ARHGEF12: variants seen among roughly 807,000 people sequenced by gnomAD.
The protein encoded by ARHGEF12 is KMT2A/ARHGEF12 fusion protein.
Under a neutral mutation model 211.2 loss-of-function variants are expected in ARHGEF12, and 66 were observed. That is an observed-to-expected ratio of 0.31 (90% CI 0.26 to 0.38). The LOEUF (loss-of-function observed/expected upper bound fraction) is 0.38. ARHGEF12 is among the 10% of genes least tolerant of loss of function. ARHGEF12 has a pLI of 1.00. For missense variants in ARHGEF12, 1,429 were observed against 1,869.5 expected, an observed-to-expected ratio of 0.76 and a Z score of 4.34; for synonymous variants, 592 against 638.4, an observed-to-expected ratio of 0.93 and a Z score of 1.09.
At chr11:120,398,775 A>G (rs1242067402) in intron 1 of ARHGEF12, among the ~76,000 whole-genome samples, 2 of 152,232 alleles carry the variant, frequency 1.3e-5, no homozygotes, top group South Asian at 2.1e-4. Context: ...AATGCTTTCT[A>G]TTAATGCAGA....
At chr11:120,396,275 C>T (rs553343060) in intron 1 of ARHGEF12, among the ~76,000 whole-genome samples, 2 of 152,256 alleles carry the variant, frequency 1.3e-5, no homozygotes, top group South Asian at 4.1e-4. Flanking sequence ...CACAAATCTT[C>T]CTTACAGGAA....
chr11:120,382,696 T>C (rs1943911250), intron 1 of ARHGEF12, among the ~76,000 whole-genome samples: 1 of 152,182 alleles, frequency 6.6e-6, no homozygotes, highest in African/African-American at 2.4e-5. Context: ...CTCTCTCTCA[T>C]TGTGGTTTTA....
At position 120,426,864 on chromosome 11, in the gene ARHGEF12, T is replaced by TG. The variant is rs535616722; in HGVS notation, c.407-1205_407-1204insG. The stretch of plus-strand genomic sequence containing the variant: ...ATTACTGACTCTGATTATGGTGTTT[T>TG]TTTTTGTTTTTGTTTTTGTTTTTGT... On this transcript the variant is annotated intron_variant, in intron 7 of 40. Transcript: ENST00000397843. 8.8e-3 allele frequency among the ~76,000 whole-genome samples: 1,334 copies of TG among 151,648 alleles called. 88 individuals carry two copies. In the South Asian group the frequency reaches 0.16, roughly 18 times the overall value.
At chr11:120,442,322 A>G in intron 15 of ARHGEF12, 120 bp downstream of exon 15, 1 of 622,816 alleles carries the variant, frequency 1.6e-6, no homozygotes, top group Non-Finnish European at 2.6e-6. Flanking sequence ...CCTGTATTAT[A>G]TTTCAATTAT....
rs745912349 is a variant in ARHGEF12, at chr11:120,441,748, A to G, written c.1134A>G (p.Leu378=). The G allele has an allele frequency of 6.2e-7, 1 of 1,613,934 alleles. No homozygotes were observed. The highest frequency in any genetic ancestry group is 8.5e-7 in the Non-Finnish European group (1 of 1,179,820). The change falls in exon 14 of 41, where the codon CTA becomes CTG. Residue 378 remains leucine, a synonymous_variant. Transcript: ENST00000397843. ...QCSCFQSIEL[L]KSRPAHLAVF... Reference sequence around the variant, plus strand: ...GCTGTTTCCAGAGCATTGAATTACTAAAATCTCGCCCGGCTCATTTGGCTG... The same window carrying G: ...GCTGTTTCCAGAGCATTGAATTACTGAAATCTCGCCCGGCTCATTTGGCTG...
intron 8 of ARHGEF12, among the ~76,000 whole-genome samples, chr11:120,429,158 A>C (rs567272591): frequency 1.2e-4 from 18 of 152,296 alleles, no homozygotes; most frequent in African/African-American, 4.3e-4. Context: ...AAAGTAAAAG[A>C]TACTATTCTT....
chr11:120,395,343 G>A (rs1367840445), intron 1 of ARHGEF12, among the ~76,000 whole-genome samples: 1 of 152,116 alleles, frequency 6.6e-6, no homozygotes, highest in Non-Finnish European at 1.5e-5. Context: ...GATGGTAAAT[G>A]GTGGTAACTA....
chr11:120,454,988 T>C (rs1946322080), intron 22 of ARHGEF12, among the ~76,000 whole-genome samples: 1 of 152,002 alleles, frequency 6.6e-6, no homozygotes, highest in Non-Finnish European at 1.5e-5. Context: ...TCAAAAAATG[T>C]GTGGGTATAT....
At chr11:120,374,831 TTAA>T (rs1943684338) in intron 1 of ARHGEF12, among the ~76,000 whole-genome samples, 1 of 152,210 alleles carries the variant, frequency 6.6e-6, no homozygotes, top group Non-Finnish European at 1.5e-5. Context: ...GTCATACATA[TTAA>T]TGATTCAAAT....
intron 7 of ARHGEF12, among the ~76,000 whole-genome samples, chr11:120,425,543 C>G (rs949345515): frequency 1.3e-5 from 2 of 151,622 alleles, no homozygotes; most frequent in South Asian, 2.1e-4. Context: ...TGGGCTCACC[C>G]ATCTCAGCCT....
At chr11:120,474,755 C>T (rs1174406064) in intron 32 of ARHGEF12, 120 bp downstream of exon 32, 5 of 656,198 alleles carry the variant, frequency 7.6e-6, no homozygotes, top group East Asian at 5.4e-5. Context: ...AGTGCTACCT[C>T]GTGTTATTTG....
intron 1 of ARHGEF12, among the ~76,000 whole-genome samples, chr11:120,352,594 C>T (rs951835861): frequency 7.9e-5 from 12 of 152,130 alleles, no homozygotes; most frequent in African/African-American, 2.9e-4. Flanking sequence ...ATCTTCTGAG[C>T]CTTAAAACAC....
intron 40 of ARHGEF12, among the ~76,000 whole-genome samples, chr11:120,484,801 G>C (rs1391600060): frequency 6.6e-6 from 1 of 152,176 alleles, no homozygotes; most frequent in African/African-American, 2.4e-5. Context: ...GATTCGGTGT[G>C]AGGCTTACTG....
At chr11:120,383,218 A>C (rs1943927346) in intron 1 of ARHGEF12, among the ~76,000 whole-genome samples, 1 of 151,930 alleles carries the variant, frequency 6.6e-6, no homozygotes, top group Non-Finnish European at 1.5e-5. Context: ...TCTGTGAAGA[A>C]GTTAAGAGTG....
At chr11:120,397,203 A>G (rs1944418084) in intron 1 of ARHGEF12, among the ~76,000 whole-genome samples, 1 of 152,162 alleles carries the variant, frequency 6.6e-6, no homozygotes, top group African/African-American at 2.4e-5. Flanking sequence ...TTCGTGCCAC[A>G]CTTTGTCACT....
chr11:120,451,164 A>G lies in ARHGEF12; in HGVS notation c.1844-348A>G, dbSNP rs116024627. ...TTTGCTTTTAGCTAATTTGCAATGCAGATTATTTTATTTATTTTATTTATT... is the reference window on the plus strand; with the variant it reads ...TTTGCTTTTAGCTAATTTGCAATGCGGATTATTTTATTTATTTTATTTATT... On this transcript the variant is annotated intron_variant, in intron 21 of 40. Transcript: ENST00000397843. The G allele has an allele frequency of 7.1e-3, 1,270 of 178,170 alleles. 15 individuals are homozygous for G. The highest frequency in any genetic ancestry group is 0.027 in the African/African-American group (1,136 of 41,904). 11.0% of individuals were successfully genotyped at this position (178,170 alleles called of 1,614,324 possible).
rs1408067126 is a variant in ARHGEF12 at position 120,340,576 on chromosome 11, T to C, written c.32+3301T>C. Among the ~76,000 whole-genome samples, 3 of 152,328 alleles carry C rather than the reference T, an allele frequency of 2.0e-5. No individual in the cohort carries two copies. The East Asian group carries it at 5.8e-4, about 29-fold the overall frequency. On this transcript the variant is annotated intron_variant, in intron 1 of 40. Coordinates refer to ENST00000397843, the MANE Select transcript of ARHGEF12 (RefSeq NM_015313.3). Reference sequence around the variant, plus strand: ...GATACTTTTCATTAGTGATACTTTTTCTGTCAAAATTGCTGTATAATGGTT... The same window carrying C: ...GATACTTTTCATTAGTGATACTTTTCCTGTCAAAATTGCTGTATAATGGTT...
At position 120,442,147 on chromosome 11, in the gene ARHGEF12, A is replaced by G. The variant is rs749098288; in HGVS notation, c.1247A>G (p.Lys416Arg). Residue 416 changes from lysine (K) to arginine (R), a missense_variant, in exon 15 of 41, where the codon AAA (lysine) becomes AGA (arginine). By Grantham distance (26) the Lys-to-Arg change is conservative (BLOSUM62 2). Transcript: ENST00000397843. ...GACCTGTATAAACATACCAATTCCA[A>G]AGAAACTCGTCGCATCTTCCTTGAG... The part of the protein sequence containing the change: ...YSDLYKHTNS[K>R]ETRRIFLEFH... 15 of 1,610,758 alleles carry G rather than the reference A, an allele frequency of 9.3e-6. No individual in the cohort carries two copies. Among genetic ancestry groups the G allele is most frequent in the African/African-American group, 2.7e-5 (2 of 74,814 alleles).
chr11:120,409,694 C>T (rs957816285), intron 4 of ARHGEF12: 3 of 383,344 alleles, frequency 7.8e-6, no homozygotes, highest in Non-Finnish European at 1.4e-5. Context: ...TGCCCATCTT[C>T]TCCCGTCTTG....
Sources: gnomAD v4.1 joint callset for allele counts (sites outside exome capture counted in the v4.1 genomes callset) on GRCh38, gnomAD v4.1.1 for gene constraint, MANE v1.5 for transcripts, NCBI Gene and HGNC (gene_info 2026-07-23, HGNC 2026-07-21) for gene names.